The following CNKSR3 variants were observed in gnomAD, a reference collection of about 807,000 sequenced individuals.
The protein encoded by CNKSR3 is connector enhancer of kinase suppressor of ras 3.
A neutral mutation model predicts 67.7 loss-of-function variants in CNKSR3; 36 were observed. The ratio of observed to expected loss-of-function variants is 0.53; its 90% CI spans 0.41 to 0.70. The LOEUF (loss-of-function observed/expected upper bound fraction) is 0.70. Ranked by LOEUF, CNKSR3 falls within the 30% of genes least tolerant of loss-of-function variation. CNKSR3 has a pLI of 0.00. For synonymous variants in CNKSR3, 281 were observed against 271.4 expected (o/e 1.04, Z -0.35); for missense variants, 630 against 695.2 (o/e 0.91, Z 1.05).
At chr6:154,497,493 A>T (rs1157909767) in intron 1 of CNKSR3, among the ~76,000 whole-genome samples, 1 of 152,234 alleles carries the variant, frequency 6.6e-6, no homozygotes, top group South Asian at 2.1e-4. Flanking sequence ...GATTTCATTT[A>T]CACCTAACTC....
chr6:154,412,793 T>TA (rs1784936266), intron 10 of CNKSR3, among the ~76,000 whole-genome samples: 2 of 152,168 alleles, frequency 1.3e-5, no homozygotes, highest in African/African-American at 4.8e-5. Context: ...AAAATGTCAC[T>TA]GTAATAAAAT....
At position 154,420,195 on chromosome 6, in the gene CNKSR3, T is replaced by C. The variant is rs535561756; in HGVS notation, c.945+2311A>G. Among the ~76,000 whole-genome samples the C allele has an allele frequency of 3.4e-5, 5 of 147,136 alleles. No homozygotes were observed. In the East Asian group the frequency reaches 1.0e-3, roughly 30 times the overall value. On this transcript the variant is annotated intron_variant, in intron 9 of 12. Coordinates refer to ENST00000607772, the MANE Select transcript of CNKSR3 (RefSeq NM_173515.4). ...AATAAGCCAGGCACATGTAGACAAA[T>C]ACCACATGATCTCACTTATATGTGG...
chr6:154,449,729 A>C (rs1040569045), intron 2 of CNKSR3, among the ~76,000 whole-genome samples: 1 of 152,248 alleles, frequency 6.6e-6, no homozygotes, highest in Non-Finnish European at 1.5e-5. Flanking sequence ...CTTTCTGTAA[A>C]GGACAAGTTA....
chr6:154,438,714 G>A (rs779220683), intron 4 of CNKSR3, among the ~76,000 whole-genome samples: 3 of 152,170 alleles, frequency 2.0e-5, no homozygotes, highest in Non-Finnish European at 2.9e-5. Context: ...AACAGAAAAT[G>A]AATGCGGAAA....
chr6:154,464,540 C>T (rs1786151567), intron 1 of CNKSR3, among the ~76,000 whole-genome samples: 1 of 151,448 alleles, frequency 6.6e-6, no homozygotes, highest in Non-Finnish European at 1.5e-5. Context: ...CATGGTGAAA[C>T]CCCATCTCTA....
chr6:154,451,804 A>C lies in CNKSR3; in HGVS notation c.53-1546T>G, dbSNP rs189572783. Among the ~76,000 whole-genome samples, 351 of 152,338 alleles carry C rather than the reference A, an allele frequency of 2.3e-3. 2 individuals are homozygous for C. Among genetic ancestry groups the C allele is most frequent in the South Asian group, 7.9e-3 (38 of 4,822 alleles). ...GGAAGAGGAAGTAATAAAAAAAACT[A>C]TGGTAACCATTTGGAACCCAACTCA... On this transcript the variant is annotated intron_variant, in intron 1 of 12. Transcript: ENST00000607772.
At position 154,396,794 on chromosome 6, in the gene CNKSR3, T is replaced by C. The variant is rs998410647; in HGVS notation, c.*9560A>G. On this transcript the variant is annotated 3_prime_UTR_variant, in exon 13 of 13. Coordinates refer to ENST00000607772, the MANE Select transcript of CNKSR3 (RefSeq NM_173515.4). ...GAAAGCATCAGCAAAAATTCACTAA[T>C]TGTTTTCTTTTTTTTTTTTTTTTGA... 1.3e-5 allele frequency: 2 copies of C among 149,428 alleles called. No homozygotes were observed. Among genetic ancestry groups the C allele is most frequent in the Admixed American group, 6.7e-5 (1 of 14,852 alleles). The allele number at this position is 149,428 out of a possible 1,614,324, so 9.3% of individuals were successfully genotyped here.
chr6:154,505,263 T>C (rs986785629), intron 1 of CNKSR3, among the ~76,000 whole-genome samples: 1 of 151,370 alleles, frequency 6.6e-6, no homozygotes, highest in African/African-American at 2.4e-5. Context: ...CATGGCCAAA[T>C]AGTCAAGCAC....
intron 7 of CNKSR3, among the ~76,000 whole-genome samples, chr6:154,423,636 A>C (rs1785193300): frequency 6.6e-6 from 1 of 152,198 alleles, no homozygotes; most frequent in African/African-American, 2.4e-5. Flanking sequence ...CCTTATCAAA[A>C]TTAATCTCAT....
Position 154,465,540 on chromosome 6 carries a change from G to C in CNKSR3, c.53-15282C>G, listed in dbSNP as rs7763099. Among the ~76,000 whole-genome samples the C allele has an allele frequency of 1.7e-3, 255 of 152,196 alleles. 1 individual carries two copies. The highest frequency in any genetic ancestry group is 5.8e-3 in the African/African-American group (242 of 41,518). On this transcript the variant is annotated intron_variant, in intron 1 of 12. Coordinates refer to ENST00000607772, the MANE Select transcript of CNKSR3 (RefSeq NM_173515.4). ...TGAGGCACCCAGAGGGAGGTGACTT[G>C]CTCACAGCCTCGCCGAGCCTGGCTC... is the stretch of plus-strand genomic sequence containing the variant.
intron 9 of CNKSR3, among the ~76,000 whole-genome samples, chr6:154,415,872 A>G (rs1405072030): frequency 1.3e-5 from 2 of 152,234 alleles, no homozygotes; most frequent in Non-Finnish European, 2.9e-5. Flanking sequence ...TCTAACAATG[A>G]CAACAATGAT....
chr6:154,451,284 A>G (rs2128719317), intron 1 of CNKSR3, among the ~76,000 whole-genome samples: 1 of 152,390 alleles, frequency 6.6e-6, no homozygotes, highest in East Asian at 1.9e-4. Context: ...TTACTGGAAT[A>G]ACATTTTACC....
intron 1 of CNKSR3, among the ~76,000 whole-genome samples, chr6:154,454,100 C>CAGAGAGAG (rs1562340117): frequency 1.0e-5 from 1 of 97,308 alleles, no homozygotes; most frequent in Admixed American, 1.2e-4. Flanking sequence ...CACACACACA[C>CAGAGAGAG]ACACAGAGAG....
intron 2 of CNKSR3, among the ~76,000 whole-genome samples, chr6:154,447,172 C>G (rs141447478): frequency 6.6e-6 from 1 of 152,280 alleles, no homozygotes; most frequent in Non-Finnish European, 1.5e-5. Context: ...CTCAATCACA[C>G]CCTCTCGACC....
rs144425640 is a variant in CNKSR3 at position 154,389,703 on chromosome 6, C to T, written c.*16651G>A. ...AGAATAAAGGAATTCAATAAAGTTG[C>T]ATAATACAAAATCAACATACAAAAA... On this transcript the variant is annotated 3_prime_UTR_variant, in exon 13 of 13. Transcript: ENST00000607772. 4 of 152,242 alleles carry T rather than the reference C, an allele frequency of 2.6e-5. No homozygotes were observed. Among genetic ancestry groups the T allele is most frequent in the Admixed American group, 1.3e-4 (2 of 15,292 alleles). The allele number at this position is 152,242 out of a possible 1,614,324, so 9.4% of individuals were successfully genotyped here. A position where few individuals can be genotyped will look rare whatever the true frequency, so the allele number is the denominator to read the frequency against.
intron 1 of CNKSR3, among the ~76,000 whole-genome samples, chr6:154,498,935 AG>A (rs1363887803): frequency 6.6e-6 from 1 of 152,134 alleles, no homozygotes; most frequent in African/African-American, 2.4e-5. Context: ...CTCGCAATGG[AG>A]GGGAGGGGGT....
chr6:154,448,036 G>C (rs759982852), intron 2 of CNKSR3, among the ~76,000 whole-genome samples: 17 of 152,076 alleles, frequency 1.1e-4, no homozygotes, highest in Non-Finnish European at 4.4e-5. Context: ...CCTGTCCAAT[G>C]TAGTCACTGG....
rs11332561 is a variant in CNKSR3, at chr6:154,476,457, C to CAAAAAA, written c.53-26205_53-26200dup. 3.6e-5 allele frequency among the ~76,000 whole-genome samples: 4 copies of CAAAAAA among 110,816 alleles called. No individual in the cohort carries two copies. The Admixed American group carries it at 3.7e-4, about 10-fold the overall frequency. 72.7% of individuals were successfully genotyped at this position (110,816 alleles called of 152,430 possible). A position where few individuals can be genotyped will look rare whatever the true frequency, so the allele number is the denominator to read the frequency against. ...GGGCAACAAGAGCGAAACTATGTCT[C>CAAAAAA]AAAAAAAAAAAAAAAAAAAGACAGA... On this transcript the variant is annotated intron_variant, in intron 1 of 12. Coordinates refer to ENST00000607772, the MANE Select transcript of CNKSR3 (RefSeq NM_173515.4).
intron 12 of CNKSR3, among the ~76,000 whole-genome samples, chr6:154,407,841 A>T (rs1784828097): frequency 7.4e-6 from 1 of 135,438 alleles, no homozygotes; most frequent in Non-Finnish European, 1.6e-5. Context: ...AGAATTTAGA[A>T]AATTTTAGCC....
Sources: gnomAD v4.1 joint callset for allele counts (sites outside exome capture counted in the v4.1 genomes callset) on GRCh38, gnomAD v4.1.1 for gene constraint, MANE v1.5 for transcripts, NCBI Gene and HGNC (gene_info 2026-07-23, HGNC 2026-07-21) for gene names.